Variants in GKN1 observed in about 807,000 individuals in gnomAD.
The protein encoded by GKN1 is gastrokine-1.
A neutral mutation model predicts 19.7 loss-of-function variants in GKN1; 17 were observed. That is an observed-to-expected ratio of 0.86 (90% CI 0.59 to 1.29). The LOEUF is 1.29. Ranked by LOEUF, GKN1 falls within the 50% of genes most tolerant of loss-of-function variation. The pLI is 0.00. For synonymous variants in GKN1, 96 were observed against 78.3 expected (o/e 1.23, Z -1.20); for missense variants, 218 against 224.5 (o/e 0.97, Z 0.19).
In GKN1 at chr2:68,980,735, G is replaced by C. The variant is rs1670346022; in HGVS notation, c.470G>C (p.Ser157Thr). Residue 157 changes from serine (S) to threonine (T), a missense_variant, in exon 6 of 6, where the codon AGC becomes ACC. By Grantham distance (58) the Ser-to-Thr change is moderately conservative. Coordinates refer to ENST00000377938, the MANE Select transcript of GKN1 (RefSeq NM_019617.4). ...CTTCTTTTCTCTTTATTAGAGGCAA[G>C]CCTGTTTTTTTACTCAGGAACGTGC... The part of the protein sequence containing the change: ...TYMAEEMQEA[S>T]LFFYSGTCYT... 1 of 1,536,522 alleles carries C rather than the reference G, an allele frequency of 6.5e-7. No homozygotes were observed.
intron 1 of GKN1, among the ~76,000 whole-genome samples, chr2:68,976,288 T>C (rs1226920525): frequency 1.3e-5 from 2 of 152,238 alleles, no homozygotes. Flanking sequence ...TCATTTATAC[T>C]ATGCTATTTA....
At position 68,979,924 on chromosome 2, in the gene GKN1, G is replaced by A; in HGVS notation, c.327G>A (p.Lys109=). Residue 109 remains lysine, a synonymous_variant, in exon 5 of 6, where the codon AAG becomes AAA. Transcript: ENST00000377938. ...ALVKEKKLQG[K]GPGGPPPKGL... Reference sequence around the variant, plus strand: ...TTTTCCACACTCAGCTTCAGGGTAAGGGACCAGGAGGACCACCTCCCAAGG... The same window carrying A: ...TTTTCCACACTCAGCTTCAGGGTAAAGGACCAGGAGGACCACCTCCCAAGG... 1 of 1,613,556 alleles carries A rather than the reference G, an allele frequency of 6.2e-7. No individual in the cohort carries two copies. Among genetic ancestry groups the A allele is most frequent in the South Asian group, 1.1e-5 (1 of 91,068 alleles).
At chr2:68,978,113 G>A (rs1670294688) in intron 3 of GKN1, 1 of 229,856 alleles carries the variant, frequency 4.4e-6, no homozygotes, top group African/African-American at 2.3e-5. Context: ...CCAAAGCTTA[G>A]ACTATCTCAC....
chr2:68,980,260 C>G (rs527287155), intron 5 of GKN1, among the ~76,000 whole-genome samples, 200 bp downstream of exon 5: 13 of 152,234 alleles, frequency 8.5e-5, no homozygotes, highest in African/African-American at 3.1e-4. Context: ...CTTATAGGTT[C>G]TATTTTAATC....
intron 3 of GKN1, 70 bp downstream of exon 3, chr2:68,977,844 A>G: frequency 2.5e-6 from 3 of 1,195,932 alleles, no homozygotes; most frequent in Non-Finnish European, 3.7e-6. Flanking sequence ...AAAAATGTGC[A>G]TGTTAACCAT....
chr2:68,977,697 A>G lies in GKN1; in HGVS notation c.127A>G (p.Asn43Asp), dbSNP rs767139304. 7 of 1,606,698 alleles carry G rather than the reference A, an allele frequency of 4.4e-6. No individual in the cohort carries two copies. In the African/African-American group the frequency reaches 8.0e-5, roughly 18 times the overall value. Residue 43 changes from asparagine to aspartate, a missense_variant, in exon 3 of 6, where the codon AAC becomes GAC. By Grantham distance (23) the Asn-to-Asp change is conservative (BLOSUM62 1). Transcript: ENST00000377938. ...AAGTGGGCAGCAGTCAGTGAGTGTCAACAATGAACACAATGTGGCCAATGT... is the reference window on the plus strand; with the variant it reads ...AAGTGGGCAGCAGTCAGTGAGTGTCGACAATGAACACAATGTGGCCAATGT... ...AGSGQQSVSV[N>D]NEHNVANVDN...
At chr2:68,979,230 G>A (rs548082979) in intron 4 of GKN1, among the ~76,000 whole-genome samples, 115 of 152,324 alleles carry the variant, frequency 7.5e-4, no homozygotes, top group African/African-American at 2.1e-3. Flanking sequence ...CAAAGCTCTG[G>A]TCACACCAAT....
At chr2:68,977,393 C>A in intron 1 of GKN1, 102 bp from the exon 2 acceptor site, 1 of 835,342 alleles carries the variant, frequency 1.2e-6, no homozygotes, top group Non-Finnish European at 2.1e-6. Flanking sequence ...GAACTGAACA[C>A]ATTGGTAAAA....
chr2:68,975,359 G>A (rs1477767004), intron 1 of GKN1, among the ~76,000 whole-genome samples: 1 of 152,114 alleles, frequency 6.6e-6, no homozygotes, highest in Non-Finnish European at 1.5e-5. Flanking sequence ...CTCTAGCATG[G>A]CCATTTATTT....
At chr2:68,975,919 A>G (rs1455514906) in intron 1 of GKN1, among the ~76,000 whole-genome samples, 1 of 152,162 alleles carries the variant, frequency 6.6e-6, no homozygotes, top group African/African-American at 2.4e-5. Flanking sequence ...CAGTTCTCAA[A>G]ACTATTTTGT....
Position 68,980,854 on chromosome 2 carries a change from C to A in GKN1, c.*31C>A. The A allele has an allele frequency of 9.6e-7, 1 of 1,039,466 alleles. No homozygotes were observed. Among genetic ancestry groups the A allele is most frequent in the African/African-American group, 1.6e-5 (1 of 64,166 alleles). The allele number at this position is 1,039,466 out of a possible 1,614,324, so 64.4% of individuals were successfully genotyped here. A position where few individuals can be genotyped will look rare whatever the true frequency, so the allele number is the denominator to read the frequency against. On this transcript the variant is annotated 3_prime_UTR_variant, in exon 6 of 6. Coordinates refer to ENST00000377938, the MANE Select transcript of GKN1 (RefSeq NM_019617.4). ...TTTTTAAAGCCACTATGGATTTAGTCATCTGAATATGCTGTGCAGAAAAAA... is the reference window on the plus strand; with the variant it reads ...TTTTTAAAGCCACTATGGATTTAGTAATCTGAATATGCTGTGCAGAAAAAA...
Position 68,980,850 on chromosome 2 carries a change from T to G in GKN1, c.*27T>G, listed in dbSNP as rs1296130629. ...CAATTTTTTAAAGCCACTATGGATT[T>G]AGTCATCTGAATATGCTGTGCAGAA... is the stretch of plus-strand genomic sequence containing the variant. On this transcript the variant is annotated 3_prime_UTR_variant, in exon 6 of 6. Coordinates refer to ENST00000377938, the MANE Select transcript of GKN1 (RefSeq NM_019617.4). 2.7e-6 allele frequency: 3 copies of G among 1,093,020 alleles called. No individual in the cohort carries two copies. The African/African-American group carries it at 4.6e-5, about 17-fold the overall frequency. 67.7% of individuals were successfully genotyped at this position (1,093,020 alleles called of 1,614,324 possible). A position where few individuals can be genotyped will look rare whatever the true frequency, so the allele number is the denominator to read the frequency against.
chr2:68,977,133 T>A (rs1670273106), intron 1 of GKN1, among the ~76,000 whole-genome samples: 1 of 152,162 alleles, frequency 6.6e-6, no homozygotes, highest in South Asian at 2.1e-4. Context: ...ATAATTTGAT[T>A]TATCACTACT....
chr2:68,978,271 G>GGAAGGAAAGAAAGAAAGAAAGAAA (rs1670300286), intron 3 of GKN1, among the ~76,000 whole-genome samples: 3 of 87,226 alleles, frequency 3.4e-5, no homozygotes, highest in African/African-American at 1.9e-4. Flanking sequence ...AAGGAAGGAA[G>GGAAGGAAAGAAAGAAAGAAAGAAA]GAAAGAAAGA....
chr2:68,979,452 A>G (rs559093289), intron 4 of GKN1, among the ~76,000 whole-genome samples: 1 of 152,330 alleles, frequency 6.6e-6, no homozygotes, highest in East Asian at 1.9e-4. Context: ...GGTATTGTAT[A>G]TTTTGTCTGG....
rs368946545 is a variant in GKN1, at chr2:68,978,259, A to AGAAGGAAGGAAGGAAGGAAG, written c.204+500_204+501insGGAAGGAAGGAAGGAAGGAA. ...AAGAAAGAAGGAAGGAAAGAAAGAA[A>AGAAGGAAGGAAGGAAGGAAG]GAAGGAAGGAAGGAAAGAAAGAAAG... On this transcript the variant is annotated intron_variant, in intron 3 of 5. Transcript: ENST00000377938. 324 of 124,928 alleles carry AGAAGGAAGGAAGGAAGGAAG rather than the reference A, an allele frequency of 2.6e-3. 6 individuals carry two copies. The highest frequency in any genetic ancestry group is 0.011 in the South Asian group (36 of 3,384). The allele number at this position is 124,928 out of a possible 1,614,324, so 7.7% of individuals were successfully genotyped here.
intron 1 of GKN1, among the ~76,000 whole-genome samples, chr2:68,975,107 A>G (rs1670236661): frequency 6.6e-6 from 1 of 152,144 alleles, no homozygotes; most frequent in Admixed American, 6.5e-5. Flanking sequence ...ACACTGACCT[A>G]TTTTTAACAA....
At chr2:68,980,100 G>A (rs755127152) in intron 5 of GKN1, 40 bp downstream of exon 5, 4 of 1,587,784 alleles carry the variant, frequency 2.5e-6, no homozygotes, top group Non-Finnish European at 3.5e-6. Flanking sequence ...GTTAGTGCTG[G>A]TGGGATTGTC....
chr2:68,976,893 A>G (rs1670269703), intron 1 of GKN1, among the ~76,000 whole-genome samples: 1 of 152,198 alleles, frequency 6.6e-6, no homozygotes, highest in South Asian at 2.1e-4. Flanking sequence ...TACATAATAT[A>G]ATTCAACAAA....
Sources: allele counts gnomAD v4.1 joint callset (sites outside exome capture counted in the v4.1 genomes callset), GRCh38; gene constraint gnomAD v4.1.1; transcripts MANE v1.5; gene names NCBI Gene and HGNC (gene_info 2026-07-23, HGNC 2026-07-21).